Variants in CIAO2A observed in about 807,000 individuals in gnomAD.
CIAO2A encodes the protein cytosolic iron-sulfur assembly component 2A.
Under a neutral mutation model 22.4 loss-of-function variants are expected in CIAO2A, and 17 were observed. The observed-to-expected ratio is 0.76, with a 90% CI of 0.52 to 1.14. The LOEUF (loss-of-function observed/expected upper bound fraction) is 1.14. Ranked by LOEUF, CIAO2A falls within the 50% of genes most tolerant of loss-of-function variation. The pLI is 0.00. For synonymous variants in CIAO2A, 74 were observed against 72.3 expected (o/e 1.02, Z -0.12); for missense variants, 192 against 191.4 (o/e 1.00, Z -0.02).
At chr15:64,087,895 C>T (rs973564616) in intron 2 of CIAO2A, among the ~76,000 whole-genome samples, 1 of 151,682 alleles carries the variant, frequency 6.6e-6, no homozygotes, top group Non-Finnish European at 1.5e-5. Flanking sequence ...CAATCAAATA[C>T]AAATGTATGT....
At chr15:64,093,082 G>C (rs2080855688) in intron 1 of CIAO2A, among the ~76,000 whole-genome samples, 1 of 152,218 alleles carries the variant, frequency 6.6e-6, no homozygotes, top group Admixed American at 6.5e-5. Flanking sequence ...ATGTGTGTGT[G>C]TGCGTTATGT....
At chr15:64,080,852 G>A (rs1052276100) in intron 3 of CIAO2A, among the ~76,000 whole-genome samples, 21 of 152,152 alleles carry the variant, frequency 1.4e-4, no homozygotes, top group African/African-American at 4.3e-4. Context: ...AGGACCGGGC[G>A]ATTCCACTCA....
At chr15:64,088,897 T>G in intron 1 of CIAO2A, 46 bp from the exon 2 acceptor site, 1 of 1,552,920 alleles carries the variant, frequency 6.4e-7, no homozygotes. Context: ...ACATGACTAT[T>G]CTAAATAAAG....
At chr15:64,087,084 C>CTTTTTTTTTT (rs766247330) in intron 2 of CIAO2A, among the ~76,000 whole-genome samples, 3 of 76,058 alleles carry the variant, frequency 3.9e-5, no homozygotes, top group Non-Finnish European at 7.2e-5. Context: ...GCTAATTTTG[C>CTTTTTTTTTT]TTTTTTTTTT....
chr15:64,076,885 T>C (rs1375850025), intron 3 of CIAO2A, among the ~76,000 whole-genome samples: 1 of 152,052 alleles, frequency 6.6e-6, no homozygotes, highest in Non-Finnish European at 1.5e-5. Context: ...CTCTATTTTT[T>C]TGTAGAGACC....
chr15:64,080,021 A>G lies in CIAO2A; in HGVS notation c.339+1081T>C, dbSNP rs1197891495. ...AGGATCTGAATAGACAGCTCTCCAA[A>G]GATACACAAATGGCCAAAAACCACA... On this transcript the variant is annotated intron_variant, in intron 3 of 4. Coordinates refer to ENST00000300030, the MANE Select transcript of CIAO2A (RefSeq NM_032231.7). Among the ~76,000 whole-genome samples the G allele has an allele frequency of 2.0e-5, 3 of 152,246 alleles. No individual in the cohort carries two copies. In the East Asian group the frequency reaches 5.8e-4, roughly 29 times the overall value.
At chr15:64,086,900 G>A (rs139841348) in intron 2 of CIAO2A, among the ~76,000 whole-genome samples, 9 of 148,750 alleles carry the variant, frequency 6.1e-5, no homozygotes, top group African/African-American at 1.5e-4. Flanking sequence ...GGTGTGAGCC[G>A]CCATGCCAAT....
intron 1 of CIAO2A, among the ~76,000 whole-genome samples, chr15:64,090,703 A>G (rs2080833836): frequency 6.6e-6 from 1 of 152,240 alleles, no homozygotes; most frequent in Admixed American, 6.5e-5. Flanking sequence ...GCGTGCGCTG[A>G]AGCCAGCTTG....
chr15:64,081,139 C>G lies in CIAO2A; in HGVS notation c.302G>C (p.Arg101Thr). 1 of 1,613,612 alleles carries G rather than the reference C, an allele frequency of 6.2e-7. No homozygotes were observed. Among genetic ancestry groups the G allele is most frequent in the Non-Finnish European group, 8.5e-7 (1 of 1,179,846 alleles). The change falls in exon 3 of 5, where the codon AGA (arginine) becomes ACA (threonine). Residue 101 changes from arginine to threonine, a missense_variant. Physicochemically the swap from Arg to Thr is moderately conservative, Grantham distance 71. Transcript: ENST00000300030. ...SLATLIGLCL[R>T]VKLQRCLPFK... Reference sequence around the variant, plus strand: ...TGGTAAACATCGCTGAAGTTTTACTCTTAAGCACAGCCCTGTGGAGGGAAA... The same window carrying G: ...TGGTAAACATCGCTGAAGTTTTACTGTTAAGCACAGCCCTGTGGAGGGAAA...
At chr15:64,087,084 C>CTTTTTTTT (rs766247330) in intron 2 of CIAO2A, among the ~76,000 whole-genome samples, 3 of 76,056 alleles carry the variant, frequency 3.9e-5, no homozygotes, top group Non-Finnish European at 7.2e-5. Flanking sequence ...GCTAATTTTG[C>CTTTTTTTT]TTTTTTTTTT....
intron 2 of CIAO2A, among the ~76,000 whole-genome samples, chr15:64,085,055 G>A (rs1488212102): frequency 1.5e-5 from 2 of 133,932 alleles, no homozygotes; most frequent in Non-Finnish European, 3.3e-5. Flanking sequence ...ACTCCAGCCT[G>A]GCCAATAAAG....
intron 3 of CIAO2A, among the ~76,000 whole-genome samples, chr15:64,079,701 C>T (rs1017467025): frequency 6.6e-6 from 1 of 152,166 alleles, no homozygotes; most frequent in African/African-American, 2.4e-5. Flanking sequence ...CGAGCGATAA[C>T]CAATTACTAT....
rs565069235 is a variant in CIAO2A at position 64,087,406 on chromosome 15, T to C, written c.289+1281A>G. 2.6e-5 allele frequency among the ~76,000 whole-genome samples: 4 copies of C among 152,152 alleles called. No homozygotes were observed. In the South Asian group the frequency reaches 6.2e-4, roughly 24 times the overall value. On this transcript the variant is annotated intron_variant, in intron 2 of 4. Transcript: ENST00000300030. ...GCGCCCGGCCTAATTTTGTATTTTT[T>C]TTAGTGGAGATGGGGTTTCACCATG...
At chr15:64,085,672 G>A (rs567638270) in intron 2 of CIAO2A, among the ~76,000 whole-genome samples, 34 of 152,162 alleles carry the variant, frequency 2.2e-4, no homozygotes, top group Non-Finnish European at 1.8e-4. Context: ...CCACAATACG[G>A]TACAGCCAAT....
chr15:64,074,552 G>C (rs909841136), intron 4 of CIAO2A: 1 of 152,124 alleles, frequency 6.6e-6, no homozygotes, highest in Non-Finnish European at 1.5e-5. Context: ...TCAGCTCGTG[G>C]GGTTTAAAGA....
chr15:64,083,081 A>G (rs1378247371), intron 2 of CIAO2A, among the ~76,000 whole-genome samples: 1 of 149,988 alleles, frequency 6.7e-6, no homozygotes, highest in African/African-American at 2.4e-5. Context: ...AAAAATATAT[A>G]TAATAATATC....
In CIAO2A at chr15:64,079,680, C is replaced by T. The variant is rs114230978; in HGVS notation, c.339+1422G>A. Among the ~76,000 whole-genome samples the T allele has an allele frequency of 8.3e-4, 127 of 152,242 alleles. 2 individuals carry two copies. The highest frequency in any genetic ancestry group is 3.0e-3 in the African/African-American group (124 of 41,534). ...TACAAGAGGCAGTAAGAGACAAGGC[C>T]GAATCATTCACGAGCGATAACCAAT... On this transcript the variant is annotated intron_variant, in intron 3 of 4. Coordinates refer to ENST00000300030, the MANE Select transcript of CIAO2A (RefSeq NM_032231.7).
Position 64,087,084 on chromosome 15 carries a change from CTTTTTT to C in CIAO2A, c.289+1597_289+1602del, listed in dbSNP as rs766247330. On this transcript the variant is annotated intron_variant, in intron 2 of 4. Coordinates refer to ENST00000300030, the MANE Select transcript of CIAO2A (RefSeq NM_032231.7). ...GTGCCACCATGCCTTGCTAATTTTGCTTTTTTTTTTTTTTTTTTTTTTGGGAGATAA... is the reference window on the plus strand; with the variant it reads ...GTGCCACCATGCCTTGCTAATTTTGCTTTTTTTTTTTTTTTTGGGAGATAA... Among the ~76,000 whole-genome samples the C allele has an allele frequency of 2.4e-4, 18 of 76,080 alleles. No individual in the cohort carries two copies. The South Asian group carries it at 6.0e-3, about 25-fold the overall frequency. 49.9% of individuals were successfully genotyped at this position (76,080 alleles called of 152,430 possible).
intron 4 of CIAO2A, 85 bp from the exon 5 acceptor site, chr15:64,073,113 A>G (rs571607845): frequency 3.0e-5 from 26 of 864,538 alleles, no homozygotes; most frequent in Middle Eastern, 4.7e-4. Flanking sequence ...TGCTGAAACA[A>G]AAACTTTAAC....
Sources: allele counts gnomAD v4.1 joint callset (sites outside exome capture counted in the v4.1 genomes callset), GRCh38; gene constraint gnomAD v4.1.1; transcripts MANE v1.5; gene names NCBI Gene and HGNC (gene_info 2026-07-23, HGNC 2026-07-21).